The following ZBTB45 variants were observed in gnomAD, a reference collection of about 807,000 sequenced individuals.
The protein encoded by ZBTB45 is zinc finger and BTB domain-containing protein 45.
A neutral mutation model predicts 28.4 loss-of-function variants in ZBTB45; 22 were observed. The observed-to-expected ratio is 0.77, with a 90% CI of 0.55 to 1.10. The LOEUF (loss-of-function observed/expected upper bound fraction) is 1.10. Among genes scored for constraint, ZBTB45 ranks in the 50% least tolerant of loss-of-function variants. The probability of loss-of-function intolerance (pLI) is 0.00; values close to 1 mark genes in which losing one functional copy is unlikely to be tolerated. For synonymous variants in ZBTB45, 361 were observed against 332.3 expected (o/e 1.09, Z -0.94); for missense variants, 656 against 750.2 (o/e 0.87, Z 1.47).
At chr19:58,538,561 A>C (rs1041350213) in intron 1 of ZBTB45, 2 of 152,132 alleles carry the variant, frequency 1.3e-5, no homozygotes, top group Non-Finnish European at 2.9e-5. Context: ...CGCGGCCCCC[A>C]GTCCCCATCA....
upstream of ZBTB45, among the ~76,000 whole-genome samples, chr19:58,523,149 G>A (rs1012237950): frequency 6.6e-6 from 1 of 152,090 alleles, no homozygotes; most frequent in Admixed American, 6.6e-5. Flanking sequence ...ACACAGGAAG[G>A]AGAAAAACCA....
chr19:58,524,688 C>G (rs1435301473), upstream of ZBTB45, among the ~76,000 whole-genome samples: 1 of 151,878 alleles, frequency 6.6e-6, no homozygotes, highest in Non-Finnish European at 1.5e-5. Context: ...TCGAGACCAT[C>G]CTGGCTAACA....
intron 1 of ZBTB45, among the ~76,000 whole-genome samples, chr19:58,525,412 A>C (rs1008622428): frequency 6.6e-6 from 1 of 152,218 alleles, no homozygotes; most frequent in African/African-American, 2.4e-5. Flanking sequence ...GCGGAGGCTG[A>C]GGGGTGGTCC....
rs756973297 is a variant in ZBTB45 at position 58,514,186 on chromosome 19, G to A, written c.1404C>T (p.Phe468=). The change falls in exon 3 of 3, where the codon TTC becomes TTT. Residue 468 remains phenylalanine, a synonymous_variant. Coordinates refer to ENST00000594051, the MANE Select transcript of ZBTB45 (RefSeq NM_001316979.2). The part of the protein sequence containing the change: ...AFQCAVCAKR[F]TQKSSLNVHM... ...GCACGTTGAGCGAGCTCTTCTGCGTGAAGCGCTTGGCGCAGACGGCGCACT... is the reference window on the plus strand; with the variant it reads ...GCACGTTGAGCGAGCTCTTCTGCGTAAAGCGCTTGGCGCAGACGGCGCACT... The A allele has an allele frequency of 1.2e-6, 2 of 1,612,530 alleles. No homozygotes were observed. The highest frequency in any genetic ancestry group is 1.3e-5 in the African/African-American group (1 of 75,038).
At chr19:58,521,112 C>T (rs1262045880), upstream of ZBTB45, among the ~76,000 whole-genome samples, 1 of 144,410 alleles carries the variant, frequency 6.9e-6, no homozygotes, top group Non-Finnish European at 1.5e-5. Flanking sequence ...CGCCTGTAAT[C>T]CCAGCACTGT....
chr19:58,517,055 C>G lies in ZBTB45; in HGVS notation c.619G>C (p.Gly207Arg). 1 of 1,613,266 alleles carries G rather than the reference C, an allele frequency of 6.2e-7. No individual in the cohort carries two copies. Among genetic ancestry groups the G allele is most frequent in the Non-Finnish European group, 8.5e-7 (1 of 1,180,008 alleles). Reference protein sequence around the residue: ...PSLSAAPDDRGDEDDEESDDE... With the variant: ...PSLSAAPDDRRDEDDEESDDE... ...TCACTTTCCTCGTCATCCTCGTCACCTCGGTCATCAGGGGCCGCGGACAGT... is the reference window on the plus strand; with the variant it reads ...TCACTTTCCTCGTCATCCTCGTCACGTCGGTCATCAGGGGCCGCGGACAGT... The change falls in exon 2 of 3, where the codon GGT becomes CGT. Residue 207 changes from glycine (G) to arginine (R), a missense_variant. Gly to Arg is a moderately radical substitution (Grantham distance 125). Transcript: ENST00000594051.
chr19:58,523,795 C>T (rs572775321), upstream of ZBTB45, among the ~76,000 whole-genome samples: 35 of 133,928 alleles, frequency 2.6e-4, no homozygotes, highest in East Asian at 7.3e-3. Flanking sequence ...CTCAGCCTCC[C>T]GAGTAGCTGG....
upstream of ZBTB45, among the ~76,000 whole-genome samples, chr19:58,524,433 A>ATGTGTGTG (rs1364446202): frequency 6.4e-3 from 719 of 111,750 alleles, 16 homozygotes; most frequent in African/African-American, 0.026. Context: ...GTGTGTTCAT[A>ATGTGTGTG]TATGTGTGTG....
rs1164567008 is a variant in ZBTB45 at position 58,517,489 on chromosome 19, A to C, written c.185T>G (p.Leu62Arg). Residue 62 changes from leucine to arginine, a missense_variant, in exon 2 of 3, where the codon CTG becomes CGG. By Grantham distance (102) the Leu-to-Arg change is moderately radical (BLOSUM62 -2). Transcript: ENST00000594051. ...AAGSPFFQDK[L>R]LLGHSEIRVP... The stretch of plus-strand genomic sequence containing the variant: ...ACGGATCTCAGAGTGGCCGAGCAGC[A>C]GCTTGTCTTGGAAGAAGGGTGAGCC... 6.2e-7 allele frequency: 1 copy of C among 1,613,278 alleles called. No homozygotes were observed.
chr19:58,517,306 G>C lies in ZBTB45; in HGVS notation c.368C>G (p.Ala123Gly). ...AGAGGTGCCCGGGGCTCGAGCGCGG[G>C]CGATAATCTGCGTGCATTCGTCGAT... ...TVIDECTQII[A>G]RARAPGTSAP... is the part of the protein sequence containing the mutation. Residue 123 changes from alanine to glycine, a missense_variant, in exon 2 of 3, where the codon GCC (alanine) becomes GGC (glycine). Physicochemically the swap from Ala to Gly is moderately conservative, Grantham distance 60. Coordinates refer to ENST00000594051, the MANE Select transcript of ZBTB45 (RefSeq NM_001316979.2). The C allele has an allele frequency of 6.2e-7, 1 of 1,606,104 alleles. No homozygotes were observed. Among genetic ancestry groups the C allele is most frequent in the Non-Finnish European group, 8.5e-7 (1 of 1,178,650 alleles).
upstream of ZBTB45, among the ~76,000 whole-genome samples, chr19:58,520,705 A>G (rs2053569851): frequency 6.6e-6 from 1 of 152,166 alleles, no homozygotes; most frequent in African/African-American, 2.4e-5. Context: ...AGGAAATGCA[A>G]CAGGACAGGT....
chr19:58,517,757 G>A, intron 1 of ZBTB45, 84 bp from the exon 2 acceptor site: 1 of 1,312,278 alleles, frequency 7.6e-7, no homozygotes, highest in Non-Finnish European at 1.1e-6. Context: ...ACCCCTTGTT[G>A]CAGGACAGGG....
intron 1 of ZBTB45, among the ~76,000 whole-genome samples, chr19:58,526,826 C>T (rs900453211): frequency 6.6e-6 from 1 of 151,732 alleles, no homozygotes; most frequent in South Asian, 2.1e-4. Context: ...CCACCGCGCC[C>T]GGCCTATTAT....
At chr19:58,538,844 C>G (rs1014205824) in exon 1 of ZBTB45, 7 of 152,262 alleles carry the variant, frequency 4.6e-5, no homozygotes, top group African/African-American at 1.7e-4. Context: ...CCCAGGGGCA[C>G]CGCACAGGGG....
intron 1 of ZBTB45, among the ~76,000 whole-genome samples, chr19:58,535,261 C>G (rs534169762): frequency 6.6e-6 from 1 of 152,086 alleles, no homozygotes; most frequent in African/African-American, 2.4e-5. Context: ...CTGCTTCAGC[C>G]TCCCAAAGTG....
At chr19:58,535,657 C>T (rs564367370) in intron 1 of ZBTB45, among the ~76,000 whole-genome samples, 8 of 152,122 alleles carry the variant, frequency 5.3e-5, no homozygotes, top group Non-Finnish European at 7.3e-5. Context: ...CAAGAGCCAC[C>T]AGGCCTGGCC....
rs1251275985 is a variant in ZBTB45, at chr19:58,516,013, C to G, written c.1279+382G>C. ...TTGCTGCCAGCCTATAACGGGACAG[C>G]TGGAAACCAGAGAGACACAGGAGGC... is the stretch of plus-strand genomic sequence containing the variant. On this transcript the variant is annotated intron_variant, in intron 2 of 2. Coordinates refer to ENST00000594051, the MANE Select transcript of ZBTB45 (RefSeq NM_001316979.2). The surrounding 1 kb of genome is among the most constrained non-coding windows in gnomAD (Gnocchi z 6.2). Among the ~76,000 whole-genome samples, 2 of 152,312 alleles carry G rather than the reference C, an allele frequency of 1.3e-5. No individual in the cohort carries two copies. The highest frequency in any genetic ancestry group is 6.8e-3 in the Middle Eastern group (2 of 294).
At chr19:58,526,531 T>TA (rs760766410) in intron 1 of ZBTB45, among the ~76,000 whole-genome samples, 30,254 of 80,844 alleles carry the variant, frequency 0.37, 4,852 homozygotes, top group Middle Eastern at 0.46. Flanking sequence ...TATTATTTTT[T>TA]TTTTTTTTTT....
chr19:58,526,471 AAAT>A (rs1232479765), intron 1 of ZBTB45, among the ~76,000 whole-genome samples: 1 of 150,974 alleles, frequency 6.6e-6, no homozygotes, highest in African/African-American at 2.4e-5. Context: ...CAGCCTCCCA[AAAT>A]GCTGGGATTA....
Sources: allele counts gnomAD v4.1 joint callset (sites outside exome capture counted in the v4.1 genomes callset), GRCh38; gene constraint gnomAD v4.1.1; non-coding constraint Gnocchi (gnomAD v3.1); transcripts MANE v1.5; gene names NCBI Gene and HGNC (gene_info 2026-07-23, HGNC 2026-07-21).